ERI3: variants seen among roughly 807,000 people sequenced by gnomAD.
ERI3 encodes the protein ERI1 exoribonuclease family member 3.
A neutral mutation model predicts 44.4 loss-of-function variants in ERI3; 18 were observed. The ratio of observed to expected loss-of-function variants is 0.41; its 90% CI spans 0.28 to 0.60. ERI3 has a LOEUF of 0.60. ERI3 is among the 20% of genes least tolerant of loss of function. The pLI, the probability that ERI3 is intolerant of heterozygous loss-of-function variation, is 0.36. For synonymous variants in ERI3, 183 were observed against 164.8 expected, an observed-to-expected ratio of 1.11 and a Z score of -0.84; for missense variants, 294 against 435.5, an observed-to-expected ratio of 0.68 and a Z score of 2.89.
rs1371757293 is a variant in ERI3 at position 44,252,675 on chromosome 1, T to C, written c.832-4637A>G. ...GCTGCGACAAGTGTATTGGGTTTAA[T>C]AGATGAAGTAGCCCTCATCGGCTGC... On this transcript the variant is annotated intron_variant, in intron 7 of 8. Transcript: ENST00000372257. This position sits in a 1 kb window ranked among gnomAD's most constrained non-coding sequence, Gnocchi z 4.7. Among the ~76,000 whole-genome samples the C allele has an allele frequency of 2.6e-5, 4 of 152,204 alleles. No homozygotes were observed. The highest frequency in any genetic ancestry group is 5.9e-5 in the Non-Finnish European group (4 of 68,036).
At chr1:44,294,289 G>A (rs1457356068) in intron 6 of ERI3, among the ~76,000 whole-genome samples, 1 of 152,184 alleles carries the variant, frequency 6.6e-6, no homozygotes, top group Non-Finnish European at 1.5e-5. Context: ...CAAATCCCTA[G>A]TGCCAAAGTT....
At position 44,221,691 on chromosome 1, in the gene ERI3, G is replaced by A. The variant is rs1470153621; in HGVS notation, c.932-51C>T. 1 of 1,456,650 alleles carries A rather than the reference G, an allele frequency of 6.9e-7. No individual in the cohort carries two copies. Among genetic ancestry groups the A allele is most frequent in the Non-Finnish European group, 9.6e-7 (1 of 1,037,650 alleles). 90.2% of individuals were successfully genotyped at this position (1,456,650 alleles called of 1,614,324 possible). On this transcript the variant is annotated intron_variant, in intron 8 of 8. Transcript: ENST00000372257. This position sits in a 1 kb window ranked among gnomAD's most constrained non-coding sequence, Gnocchi z 5.9. ...TCAGCCCCAGATCCTTCCCCTCCAT[G>A]CCCACAGGTGCTCTTACAAGGGTGG...
At chr1:44,354,454 T>A in intron 1 of ERI3, 1 of 985,448 alleles carries the variant, frequency 1.0e-6, no homozygotes, top group Non-Finnish European at 1.2e-6. Flanking sequence ...CACCTGTTGC[T>A]GGACCATTTG....
intron 7 of ERI3, among the ~76,000 whole-genome samples, chr1:44,281,164 C>T (rs1645275221): frequency 6.6e-6 from 1 of 152,194 alleles, no homozygotes; most frequent in Non-Finnish European, 1.5e-5. Flanking sequence ...TAAGTTAGTT[C>T]CTTCTTACAT....
At chr1:44,279,800 G>C (rs1163801364) in intron 7 of ERI3, among the ~76,000 whole-genome samples, 1 of 151,956 alleles carries the variant, frequency 6.6e-6, no homozygotes, top group Non-Finnish European at 1.5e-5. Context: ...TATATAATCA[G>C]TGCTACTATA....
At chr1:44,223,257 G>A (rs780442403) in intron 8 of ERI3, among the ~76,000 whole-genome samples, 7 of 152,106 alleles carry the variant, frequency 4.6e-5, no homozygotes, top group African/African-American at 1.2e-4. Context: ...CACGCACCCC[G>A]CTCAGCTGAG....
At chr1:44,257,849 C>T (rs1236234746) in intron 7 of ERI3, among the ~76,000 whole-genome samples, 1 of 152,200 alleles carries the variant, frequency 6.6e-6, no homozygotes, top group Non-Finnish European at 1.5e-5. Context: ...CCTCCCCAAT[C>T]CTCTCGCAGA....
intron 2 of ERI3, among the ~76,000 whole-genome samples, chr1:44,342,527 T>C (rs1006358564): frequency 8.7e-5 from 13 of 150,162 alleles, no homozygotes; most frequent in East Asian, 3.9e-4. Context: ...ATCAGATAGA[T>C]AGATGGATAC....
At chr1:44,265,878 C>T (rs1171083337) in intron 7 of ERI3, among the ~76,000 whole-genome samples, 3 of 151,980 alleles carry the variant, frequency 2.0e-5, no homozygotes, top group Non-Finnish European at 2.9e-5. Flanking sequence ...GGGGCATTTG[C>T]GGGGAAATGA....
rs35475844 is a variant in ERI3 at position 44,324,476 on chromosome 1, CTTTTTTTTTTT to C, written c.490-4743_490-4733del. 1.2e-4 allele frequency among the ~76,000 whole-genome samples: 11 copies of C among 90,432 alleles called. No individual in the cohort carries two copies. In the Admixed American group the frequency reaches 1.6e-3, roughly 13 times the overall value. The allele number at this position is 90,432 out of a possible 152,430, so 59.3% of individuals were successfully genotyped here. A position where few individuals can be genotyped will look rare whatever the true frequency, so the allele number is the denominator to read the frequency against. On this transcript the variant is annotated intron_variant, in intron 3 of 8. Transcript: ENST00000372257. Reference sequence around the variant, plus strand: ...CCAAGGGTTTCCTGCAACATAGACTCTTTTTTTTTTTTTTTTTTTTTTTGAGACGGAGTCTC... The same window carrying C: ...CCAAGGGTTTCCTGCAACATAGACTCTTTTTTTTTTTTGAGACGGAGTCTC...
intron 6 of ERI3, among the ~76,000 whole-genome samples, chr1:44,294,012 G>A (rs1015090331): frequency 2.0e-5 from 3 of 152,248 alleles, no homozygotes; most frequent in African/African-American, 7.2e-5. Context: ...ATGGCTGCAG[G>A]CATAAGCCCT....
intron 7 of ERI3, among the ~76,000 whole-genome samples, chr1:44,279,027 A>T (rs2154322716): frequency 6.6e-6 from 1 of 152,372 alleles, no homozygotes; most frequent in East Asian, 1.9e-4. Context: ...GTTGGAAAAC[A>T]CAGGTCTAGC....
chr1:44,248,472 G>A (rs1426567227), intron 7 of ERI3, among the ~76,000 whole-genome samples: 1 of 152,118 alleles, frequency 6.6e-6, no homozygotes, highest in Non-Finnish European at 1.5e-5. Flanking sequence ...GCAGGACCTT[G>A]GAAACCAGTG....
At chr1:44,331,495 C>G (rs1046839430) in intron 3 of ERI3, among the ~76,000 whole-genome samples, 5 of 152,154 alleles carry the variant, frequency 3.3e-5, no homozygotes, top group Non-Finnish European at 7.3e-5. Context: ...CACTTTCACC[C>G]ACACCCCTTT....
intron 6 of ERI3, among the ~76,000 whole-genome samples, chr1:44,286,937 C>T (rs1040079082): frequency 1.3e-5 from 2 of 152,162 alleles, no homozygotes; most frequent in African/African-American, 2.4e-5. Flanking sequence ...CCCAACCTAT[C>T]CCCATTCCCA....
chr1:44,247,795 C>T lies in ERI3; in HGVS notation c.931+144G>A, dbSNP rs553640711. 4.9e-5 allele frequency: 28 copies of T among 570,382 alleles called. 1 individual carries two copies. The South Asian group carries it at 6.9e-4, about 14-fold the overall frequency. The allele number at this position is 570,382 out of a possible 1,614,324, so 35.3% of individuals were successfully genotyped here. On this transcript the variant is annotated intron_variant, in intron 8 of 8. Transcript: ENST00000372257. ...ATTCAGTAATTTTCTCATGCCACCC[C>T]CCTTCCACCATCCCCCCACCTATGT... is the stretch of plus-strand genomic sequence containing the variant.
chr1:44,232,191 G>A (rs2154316094), intron 8 of ERI3, among the ~76,000 whole-genome samples: 1 of 152,244 alleles, frequency 6.6e-6, no homozygotes, highest in East Asian at 1.9e-4. Flanking sequence ...GAATGTAAAG[G>A]CAGGAAGGAG....
chr1:44,297,984 T>C (rs1645646146), intron 6 of ERI3, among the ~76,000 whole-genome samples: 1 of 152,240 alleles, frequency 6.6e-6, no homozygotes. Flanking sequence ...AGAGAAGTCC[T>C]GCCAAGGTGG....
intron 4 of ERI3, among the ~76,000 whole-genome samples, chr1:44,317,009 G>C (rs1337795314): frequency 2.0e-5 from 3 of 152,152 alleles, no homozygotes; most frequent in Non-Finnish European, 4.4e-5. Flanking sequence ...ATATGAAGCA[G>C]TAAAAGTAGG....
Sources: gnomAD v4.1 joint callset for allele counts (sites outside exome capture counted in the v4.1 genomes callset) on GRCh38, gnomAD v4.1.1 for gene constraint, Gnocchi (gnomAD v3.1) non-coding constraint, MANE v1.5 for transcripts, NCBI Gene and HGNC (gene_info 2026-07-23, HGNC 2026-07-21) for gene names.